The following KCNMA1 variants were observed in gnomAD, a reference collection of about 807,000 sequenced individuals.
The protein encoded by KCNMA1 is potassium calcium-activated channel subfamily M alpha 1.
In KCNMA1, 29 loss-of-function variants were observed where a neutral mutation model predicts 140.0. That is an observed-to-expected ratio of 0.21 (90% confidence interval 0.15 to 0.28). KCNMA1 has a LOEUF of 0.28. Among genes scored for constraint, KCNMA1 ranks in the 10% least tolerant of loss-of-function variants. The pLI, the probability that KCNMA1 is intolerant of heterozygous loss-of-function variation, is 1.00. For missense variants in KCNMA1, 880 were observed against 1,602.2 expected (o/e 0.55, Z 7.70); for synonymous variants, 612 against 611.9 (o/e 1.00, Z 0.00).
At chr10:77,592,763 ACG>A (rs1175055964) in intron 1 of KCNMA1, among the ~76,000 whole-genome samples, 1 of 152,160 alleles carries the variant, frequency 6.6e-6, no homozygotes, top group Non-Finnish European at 1.5e-5. Flanking sequence ...AATTCTGACC[ACG>A]CTTTGAACAC....
chr10:77,421,675 T>C (rs1384767807), intron 1 of KCNMA1, among the ~76,000 whole-genome samples: 1 of 152,244 alleles, frequency 6.6e-6, no homozygotes, highest in African/African-American at 2.4e-5. Context: ...TGTTCAACTA[T>C]TTAAAAATGT....
intron 1 of KCNMA1, among the ~76,000 whole-genome samples, chr10:77,421,070 G>C (rs1322267264): frequency 6.6e-6 from 1 of 152,198 alleles, no homozygotes; most frequent in Non-Finnish European, 1.5e-5. Context: ...TGGCACATCT[G>C]GCCTTTGCCA....
intron 2 of KCNMA1, among the ~76,000 whole-genome samples, chr10:77,394,772 C>A (rs1408484638): frequency 6.6e-6 from 1 of 152,116 alleles, no homozygotes; most frequent in East Asian, 1.9e-4. Flanking sequence ...ACTTATGGAG[C>A]AAGTCCTGTA....
In KCNMA1 at chr10:76,914,597, A is replaced by G. The variant is rs113343323; in HGVS notation, c.3016+339T>C. On this transcript the variant is annotated intron_variant, in intron 24 of 27. Coordinates refer to ENST00000286628, the MANE Select transcript of KCNMA1 (RefSeq NM_001161352.2). ...CAGAATGCTCAAAAGAGGTTCTTAC[A>G]GTAAAAATCACCAGAAAGAATCCGT... 4.6e-3 allele frequency: 1,632 copies of G among 355,586 alleles called. 23 individuals carry two copies. Among genetic ancestry groups the G allele is most frequent in the African/African-American group, 0.031 (1,495 of 48,060 alleles). The allele number at this position is 355,586 out of a possible 1,614,324, so 22.0% of individuals were successfully genotyped here.
At chr10:77,098,098 C>T (rs908751138) in intron 9 of KCNMA1, among the ~76,000 whole-genome samples, 3 of 152,160 alleles carry the variant, frequency 2.0e-5, no homozygotes, top group African/African-American at 7.2e-5. Context: ...CTCCACCATC[C>T]CAAATCACAG....
At chr10:77,226,862 A>T (rs1223961588) in intron 3 of KCNMA1, among the ~76,000 whole-genome samples, 2 of 152,140 alleles carry the variant, frequency 1.3e-5, no homozygotes, top group Non-Finnish European at 2.9e-5. Context: ...TCTCTATTTT[A>T]CTAATAGCCA....
At chr10:76,870,293 G>C (rs774802952) in exon 28 of KCNMA1, 3 of 152,180 alleles carry the variant, frequency 2.0e-5, no homozygotes, top group African/African-American at 7.2e-5. Context: ...TCCCGCAGGC[G>C]TGTGTCAATG....
At chr10:76,891,159 C>T (rs755209639) in intron 26 of KCNMA1, among the ~76,000 whole-genome samples, 3 of 152,224 alleles carry the variant, frequency 2.0e-5, no homozygotes, top group Non-Finnish European at 4.4e-5. Flanking sequence ...CTGCTTCTCA[C>T]CTTGTGCAGA....
At chr10:77,458,459 A>G (rs1024737092) in intron 1 of KCNMA1, among the ~76,000 whole-genome samples, 1 of 152,214 alleles carries the variant, frequency 6.6e-6, no homozygotes, top group African/African-American at 2.4e-5. Flanking sequence ...AATGACTTCA[A>G]CTTACACACA....
intron 2 of KCNMA1, among the ~76,000 whole-genome samples, chr10:77,344,354 G>C (rs915289113): frequency 1.3e-5 from 2 of 152,122 alleles, no homozygotes; most frequent in South Asian, 2.1e-4. Context: ...GAGAGGTGAG[G>C]GATCAGGTGA....
chr10:76,903,719 G>C (rs1024570676), intron 25 of KCNMA1: 14 of 152,234 alleles, frequency 9.2e-5, no homozygotes, highest in African/African-American at 3.4e-4. Context: ...AGCTTGGACT[G>C]ATAGAGAACT....
intron 18 of KCNMA1, among the ~76,000 whole-genome samples, chr10:77,010,437 C>A (rs757751279): frequency 4.0e-5 from 6 of 151,800 alleles, no homozygotes; most frequent in East Asian, 1.9e-4. Flanking sequence ...ATGCTCTTCT[C>A]GGTAGGTTGT....
intron 2 of KCNMA1, among the ~76,000 whole-genome samples, chr10:77,320,456 A>G (rs1324032615): frequency 6.6e-6 from 1 of 152,072 alleles, no homozygotes; most frequent in African/African-American, 2.4e-5. Context: ...CTGAGACCCT[A>G]GGCACACTCA....
chr10:77,600,919 A>G (rs1263424101), intron 1 of KCNMA1, among the ~76,000 whole-genome samples: 1 of 152,124 alleles, frequency 6.6e-6, no homozygotes, highest in East Asian at 1.9e-4. Flanking sequence ...TCCCCCTCCC[A>G]GGCTCCAGGG....
At chr10:76,896,696 G>A (rs1199031819) in intron 25 of KCNMA1, among the ~76,000 whole-genome samples, 1 of 152,156 alleles carries the variant, frequency 6.6e-6, no homozygotes, top group African/African-American at 2.4e-5. Flanking sequence ...GAAAAGGCAT[G>A]TCTACAGAAA....
intron 1 of KCNMA1, among the ~76,000 whole-genome samples, chr10:77,562,959 T>C (rs1304636892): frequency 2.0e-5 from 3 of 152,186 alleles, no homozygotes; most frequent in African/African-American, 7.2e-5. Context: ...TTATCATCCC[T>C]TGCCCAGAAC....
At chr10:76,988,510 A>G (rs182066422) in intron 19 of KCNMA1, among the ~76,000 whole-genome samples, 32 of 152,286 alleles carry the variant, frequency 2.1e-4, no homozygotes, top group South Asian at 1.4e-3. Context: ...CCTGGGTGAC[A>G]GAAGGAGGTC....
chr10:77,535,682 C>T (rs2058728798), intron 1 of KCNMA1, among the ~76,000 whole-genome samples: 1 of 152,216 alleles, frequency 6.6e-6, no homozygotes, highest in South Asian at 2.1e-4. Context: ...AAATGTGGTA[C>T]ATATACACAA....
chr10:77,112,619 G>A (rs918911663), intron 6 of KCNMA1, among the ~76,000 whole-genome samples, 177 bp from the exon 7 acceptor site: 20 of 152,184 alleles, frequency 1.3e-4, no homozygotes, highest in African/African-American at 3.6e-4. Flanking sequence ...TGAAGGTCAG[G>A]ACAGAGCCTA....
Sources: gnomAD v4.1 joint callset for allele counts (sites outside exome capture counted in the v4.1 genomes callset) on GRCh38, gnomAD v4.1.1 for gene constraint, MANE v1.5 for transcripts, NCBI Gene and HGNC (gene_info 2026-07-23, HGNC 2026-07-21) for gene names.